OTUD5: variants seen among roughly 807,000 people sequenced by gnomAD.
OTUD5 encodes the protein OTU domain-containing protein 5.
Under a neutral mutation model 36.3 loss-of-function variants are expected in OTUD5, and 2 were observed. The ratio of observed to expected loss-of-function variants is 0.06; its 90% CI spans 0.02 to 0.17. OTUD5 has a LOEUF of 0.17. Ranked by LOEUF, OTUD5 falls within the 10% of genes least tolerant of loss-of-function variation. The pLI, the probability that OTUD5 is intolerant of heterozygous loss-of-function variation, is 1.00. For missense variants in OTUD5, 233 were observed against 512.3 expected (o/e 0.45, Z 5.26); for synonymous variants, 234 against 214.9 (o/e 1.09, Z -0.78).
intron 2 of OTUD5, among the ~76,000 whole-genome samples, chrX:48,938,702 A>G (rs1468627871): frequency 9.0e-6 from 1 of 110,595 alleles, no homozygotes; most frequent in Non-Finnish European, 1.9e-5. Flanking sequence ...CTCAAAAAAA[A>G]AAAAAAGAAT....
At chrX:48,951,709 A>C (rs1371073913) in intron 1 of OTUD5, among the ~76,000 whole-genome samples, 1 of 112,130 alleles carries the variant, frequency 8.9e-6, no homozygotes, top group African/African-American at 3.2e-5. Context: ...GAAGGGGAGA[A>C]GAGCAAGGCC....
chrX:48,951,392 A>G (rs2064141093), intron 1 of OTUD5, among the ~76,000 whole-genome samples: 1 of 111,620 alleles, frequency 9.0e-6, no homozygotes, highest in Non-Finnish European at 1.9e-5. Flanking sequence ...AGGTGGGCGG[A>G]TCACGAAGTC....
chrX:48,929,397 A>G (rs148246658), intron 5 of OTUD5, among the ~76,000 whole-genome samples: 1,487 of 107,653 alleles, frequency 0.014, 27 homozygotes, highest in African/African-American at 0.046. Context: ...CAAAAAATAA[A>G]TAAATAAATA....
upstream of OTUD5, chrX:48,957,816 G>C: frequency 2.6e-6 from 2 of 767,989 alleles, no homozygotes; most frequent in South Asian, 6.2e-5. Flanking sequence ...AGGCAGTGCG[G>C]CGAGTTTGTC....
chrX:48,932,762 A>G lies in OTUD5; in HGVS notation c.1059+1702T>C, dbSNP rs782033109. ...AGTTCAAGGTCAGCCTCGGCAATAT[A>G]GTGAGACCTTGTCTCTACAAAAAAA... is the stretch of plus-strand genomic sequence containing the variant. On this transcript the variant is annotated intron_variant, in intron 5 of 8. Transcript: ENST00000376488. Among the ~76,000 whole-genome samples, 15 of 111,071 alleles carry G rather than the reference A, an allele frequency of 1.4e-4. 2 individuals carry two copies. The highest frequency in any genetic ancestry group is 4.2e-4 in the African/African-American group (13 of 30,592).
intron 5 of OTUD5, among the ~76,000 whole-genome samples, chrX:48,930,668 G>A (rs1602379812): frequency 9.0e-6 from 1 of 111,612 alleles, no homozygotes; most frequent in Non-Finnish European, 1.9e-5. Context: ...CTAAAGAAAT[G>A]GCTGATTGAG....
chrX:48,931,268 AAACCCTTGAAATGATGT>A (rs1557048736), intron 5 of OTUD5, among the ~76,000 whole-genome samples: 1 of 112,111 alleles, frequency 8.9e-6, no homozygotes, highest in African/African-American at 3.2e-5. Context: ...CTCATAGTAT[AAACCCTTGAAATGATGT>A]AATGACAATG....
In OTUD5 at chrX:48,942,299, T is replaced by TACACACACACACAC. The variant is rs61325018; in HGVS notation, c.688+1877_688+1890dup. Among the ~76,000 whole-genome samples the TACACACACACACAC allele has an allele frequency of 5.1e-3, 281 of 55,009 alleles. 1 individual carries two copies. Among genetic ancestry groups the TACACACACACACAC allele is most frequent in the Non-Finnish European group, 6.9e-3 (199 of 28,725 alleles). 47.8% of individuals were successfully genotyped at this position (55,009 alleles called of 115,157 possible). ...CACACACAGAGAACAGCTAGCTAGATACACACACACACACACACACACACA... is the reference window on the plus strand; with the variant it reads ...CACACACAGAGAACAGCTAGCTAGATACACACACACACACACACACACACACACACACACACACA... On this transcript the variant is annotated intron_variant, in intron 2 of 8. Transcript: ENST00000376488.
At chrX:48,935,667 G>A (rs2063817915) in intron 2 of OTUD5, among the ~76,000 whole-genome samples, 1 of 111,239 alleles carries the variant, frequency 9.0e-6, no homozygotes, top group Non-Finnish European at 1.9e-5. Context: ...GGCCAGGCGT[G>A]GAGGCTCACA....
intron 5 of OTUD5, among the ~76,000 whole-genome samples, chrX:48,928,435 A>G (rs1557048137): frequency 8.9e-6 from 1 of 112,105 alleles, no homozygotes; most frequent in Non-Finnish European, 1.9e-5. Context: ...TAAGAAAGAA[A>G]CCAGCTAACA....
chrX:48,954,893 G>C (rs1447557642), intron 1 of OTUD5, among the ~76,000 whole-genome samples: 1 of 112,047 alleles, frequency 8.9e-6, no homozygotes, highest in Admixed American at 9.4e-5. Context: ...AAAGTAGGAG[G>C]ACCTTCTTGG....
At position 48,930,026 on chromosome X, in the gene OTUD5, C is replaced by A. The variant is rs903581397; in HGVS notation, c.1060-3976G>T. 8.3e-4 allele frequency among the ~76,000 whole-genome samples: 91 copies of A among 109,255 alleles called. 1 individual carries two copies. Among genetic ancestry groups the A allele is most frequent in the Admixed American group, 5.9e-4 (6 of 10,222 alleles). The allele number at this position is 109,255 out of a possible 115,157, so 94.9% of individuals were successfully genotyped here. A position where few individuals can be genotyped will look rare whatever the true frequency, so the allele number is the denominator to read the frequency against. Reference sequence around the variant, plus strand: ...GGCTGAGGCAGGAGAATGGTGTGAACCTGGGAGGTGGAGCTTGCTGTGAGC... The same window carrying A: ...GGCTGAGGCAGGAGAATGGTGTGAAACTGGGAGGTGGAGCTTGCTGTGAGC... On this transcript the variant is annotated intron_variant, in intron 5 of 8. Coordinates refer to ENST00000376488, the MANE Select transcript of OTUD5 (RefSeq NM_001136157.2).
intron 5 of OTUD5, among the ~76,000 whole-genome samples, chrX:48,926,913 T>C (rs2063675837): frequency 9.0e-6 from 1 of 111,571 alleles, no homozygotes; most frequent in South Asian, 3.7e-4. Context: ...TCCAACAGCA[T>C]TTTTAAAAAA....
chrX:48,922,394 G>T lies in OTUD5; in HGVS notation c.*780C>A. The T allele has an allele frequency of 3.5e-6, 1 of 285,301 alleles. No individual in the cohort carries two copies. The highest frequency in any genetic ancestry group is 2.9e-5 in the African/African-American group (1 of 34,711). 23.5% of individuals were successfully genotyped at this position (285,301 alleles called of 1,213,427 possible). A position where few individuals can be genotyped will look rare whatever the true frequency, so the allele number is the denominator to read the frequency against. ...CAAGATTCCAAAGAAGCTAGTGGTG[G>T]TGGAAGCAAAAGGAATGCAGCAAGG... On this transcript the variant is annotated 3_prime_UTR_variant, in exon 9 of 9. Coordinates refer to ENST00000376488, the MANE Select transcript of OTUD5 (RefSeq NM_001136157.2).
At chrX:48,946,339 G>A (rs782541227) in intron 1 of OTUD5, among the ~76,000 whole-genome samples, 1 of 111,602 alleles carries the variant, frequency 9.0e-6, no homozygotes, top group Non-Finnish European at 1.9e-5. Flanking sequence ...TGTAAATAAC[G>A]TACCATATAC....
At chrX:48,929,401 A>G (rs2063717118) in intron 5 of OTUD5, among the ~76,000 whole-genome samples, 1 of 106,007 alleles carries the variant, frequency 9.4e-6, no homozygotes, top group Non-Finnish European at 1.9e-5. Flanking sequence ...AAATAAATAA[A>G]TAAATAAAAT....
At chrX:48,942,303 C>CAA (rs2063947043) in intron 2 of OTUD5, among the ~76,000 whole-genome samples, 1 of 89,194 alleles carries the variant, frequency 1.1e-5, no homozygotes, top group African/African-American at 4.3e-5. Flanking sequence ...GCTAGATACA[C>CAA]ACACACACAC....
At chrX:48,934,654 G>A in intron 4 of OTUD5, 42 bp from the exon 5 acceptor site, 1 of 1,208,370 alleles carries the variant, frequency 8.3e-7, no homozygotes, top group Non-Finnish European at 1.1e-6. Flanking sequence ...AGCAGGCCAG[G>A]TTGGGCAGGC....
chrX:48,952,944 C>T (rs1295231893), intron 1 of OTUD5, among the ~76,000 whole-genome samples: 6 of 112,166 alleles, frequency 5.3e-5, no homozygotes, highest in African/African-American at 1.9e-4. Context: ...ACCAAGATGA[C>T]CCTGGGGCAA....
Sources: allele counts gnomAD v4.1 joint callset (sites outside exome capture counted in the v4.1 genomes callset), GRCh38; gene constraint gnomAD v4.1.1; transcripts MANE v1.5; gene names NCBI Gene and HGNC (gene_info 2026-07-23, HGNC 2026-07-21).